Variants in EPHA3 observed in about 807,000 individuals in gnomAD.
EPHA3 encodes ephrin type-A receptor 3.
EPHA3 carries 42 observed loss-of-function variants against 107.1 expected under a neutral mutation model. The ratio of observed to expected loss-of-function variants is 0.39; its 90% confidence interval spans 0.31 to 0.51. EPHA3 has a LOEUF of 0.51. Ranked by LOEUF, EPHA3 falls within the 20% of genes least tolerant of loss-of-function variation. The probability of loss-of-function intolerance (pLI) is 0.78; values close to 1 mark genes in which losing one functional copy is unlikely to be tolerated. For missense variants in EPHA3, 1,183 were observed against 1,211.2 expected (o/e 0.98, Z 0.35); for synonymous variants, 461 against 424.8 (o/e 1.09, Z -1.05).
In EPHA3 at chr3:89,201,317, T is replaced by C. The variant is rs542202851; in HGVS notation, c.154-8543T>C. On this transcript the variant is annotated intron_variant, in intron 2 of 16. Transcript: ENST00000336596. Reference sequence around the variant, plus strand: ...CTCCCACCAGGTCCCTCCCCCAACATTGGGGATTACCATTCACCGTGAGAG... The same window carrying C: ...CTCCCACCAGGTCCCTCCCCCAACACTGGGGATTACCATTCACCGTGAGAG... 1.4e-3 allele frequency among the ~76,000 whole-genome samples: 218 copies of C among 152,208 alleles called. 2 individuals carry two copies. Among genetic ancestry groups the C allele is most frequent in the Middle Eastern group, 6.8e-3 (2 of 294 alleles).
In EPHA3 at chr3:89,367,665, C is replaced by T. The variant is rs1346494204; in HGVS notation, c.1306+25575C>T. Among the ~76,000 whole-genome samples, 2 of 150,760 alleles carry T rather than the reference C, an allele frequency of 1.3e-5. 1 individual carries two copies. Among genetic ancestry groups the T allele is most frequent in the Non-Finnish European group, 3.0e-5 (2 of 67,258 alleles). ...AAATTTCCAATCATAATTTCCTTTACTCCTTGTTACAAAGATAGATATATC... is the reference window on the plus strand; with the variant it reads ...AAATTTCCAATCATAATTTCCTTTATTCCTTGTTACAAAGATAGATATATC... On this transcript the variant is annotated intron_variant, in intron 5 of 16. Transcript: ENST00000336596.
chr3:89,478,852 G>GT lies in EPHA3; in HGVS notation c.2847-539dup, dbSNP rs755456620. On this transcript the variant is annotated intron_variant, in intron 16 of 16. Transcript: ENST00000336596. The stretch of plus-strand genomic sequence containing the variant: ...AAATTTATTGGCTTAAACAACAGAA[G>GT]TTTTTTCTTAGAATTCTGGTGGCAG... 5.9e-5 allele frequency among the ~76,000 whole-genome samples: 9 copies of GT among 152,166 alleles called. No individual in the cohort carries two copies. The East Asian group carries it at 1.3e-3, about 23-fold the overall frequency.
intron 9 of EPHA3, among the ~76,000 whole-genome samples, chr3:89,410,896 C>G (rs1016651731): frequency 6.6e-6 from 1 of 151,758 alleles, no homozygotes; most frequent in African/African-American, 2.4e-5. Context: ...TAAAGCACAA[C>G]AGATTACTGT....
At chr3:89,122,032 GA>G (rs1250851091) in intron 1 of EPHA3, among the ~76,000 whole-genome samples, 4 of 152,184 alleles carry the variant, frequency 2.6e-5, no homozygotes, top group African/African-American at 9.7e-5. Context: ...CACAGAGAAT[GA>G]TAACACTGAG....
chr3:89,363,299 TGAGA>T (rs963906729), intron 5 of EPHA3, among the ~76,000 whole-genome samples: 24 of 147,812 alleles, frequency 1.6e-4, no homozygotes, highest in African/African-American at 4.9e-4. Context: ...AGAGAGAGAG[TGAGA>T]GAGAGAGAGT....
chr3:89,299,828 T>C (rs1205888853), intron 3 of EPHA3, among the ~76,000 whole-genome samples: 9 of 152,150 alleles, frequency 5.9e-5, no homozygotes, highest in Non-Finnish European at 8.8e-5. Context: ...ATATAGTTGA[T>C]TTGTGTGATA....
intron 2 of EPHA3, among the ~76,000 whole-genome samples, chr3:89,162,350 T>C (rs1422896208): frequency 1.3e-5 from 2 of 152,178 alleles, no homozygotes; most frequent in Non-Finnish European, 2.9e-5. Context: ...TAATTAATAA[T>C]GTCCAAATAA....
chr3:89,318,653 C>G (rs1261307080), intron 3 of EPHA3, among the ~76,000 whole-genome samples: 1 of 151,860 alleles, frequency 6.6e-6, no homozygotes, highest in African/African-American at 2.4e-5. Flanking sequence ...CATTTCCAAA[C>G]ACATGCTTAC....
intron 5 of EPHA3, among the ~76,000 whole-genome samples, chr3:89,381,166 G>C (rs1331104065): frequency 6.6e-6 from 1 of 151,632 alleles, no homozygotes; most frequent in Non-Finnish European, 1.5e-5. Flanking sequence ...TAGAGACGGG[G>C]TTTCACTGTG....
intron 2 of EPHA3, among the ~76,000 whole-genome samples, chr3:89,207,911 G>A (rs1197312959): frequency 1.3e-5 from 2 of 152,126 alleles, no homozygotes; most frequent in African/African-American, 2.4e-5. Context: ...TTTAGCAAAT[G>A]CCTATGAAAC....
At chr3:89,337,979 C>A (rs1480035612) in intron 3 of EPHA3, among the ~76,000 whole-genome samples, 2 of 152,186 alleles carry the variant, frequency 1.3e-5, no homozygotes, top group African/African-American at 4.8e-5. Flanking sequence ...TGCTGCAATT[C>A]CAGCCATAAT....
intron 5 of EPHA3, among the ~76,000 whole-genome samples, chr3:89,357,981 G>A (rs1049329082): frequency 1.3e-5 from 2 of 151,170 alleles, no homozygotes; most frequent in Non-Finnish European, 3.0e-5. Context: ...ATGGCTAGAA[G>A]AAGAACTAGG....
chr3:89,232,831 T>C (rs866421065), intron 3 of EPHA3, among the ~76,000 whole-genome samples: 1 of 152,206 alleles, frequency 6.6e-6, no homozygotes, highest in Non-Finnish European at 1.5e-5. Flanking sequence ...TATTTGCCTA[T>C]CATTCATTGA....
intron 3 of EPHA3, among the ~76,000 whole-genome samples, chr3:89,263,277 C>G (rs1288333186): frequency 6.6e-6 from 1 of 152,046 alleles, no homozygotes; most frequent in Non-Finnish European, 1.5e-5. Flanking sequence ...CTACATTGCT[C>G]TTTTCGCTCT....
intron 7 of EPHA3, among the ~76,000 whole-genome samples, chr3:89,402,762 C>T (rs1193099524): frequency 6.6e-6 from 1 of 152,130 alleles, no homozygotes; most frequent in African/African-American, 2.4e-5. Context: ...GTGGTGAGAT[C>T]TCAGCTCCCT....
intron 15 of EPHA3, among the ~76,000 whole-genome samples, chr3:89,456,006 A>C (rs1177340667): frequency 1.3e-5 from 2 of 152,202 alleles, no homozygotes; most frequent in Non-Finnish European, 2.9e-5. Context: ...GCAGATTGAT[A>C]ATGGGTGCTC....
At chr3:89,341,124 G>A in intron 4 of EPHA3, 53 bp downstream of exon 4, 3 of 1,548,868 alleles carry the variant, frequency 1.9e-6, no homozygotes, top group Non-Finnish European at 1.7e-6. Flanking sequence ...TTTTCTTCTT[G>A]TTACTGTGCT....
At chr3:89,477,151 T>C (rs1710532301) in intron 16 of EPHA3, among the ~76,000 whole-genome samples, 1 of 152,176 alleles carries the variant, frequency 6.6e-6, no homozygotes, top group South Asian at 2.1e-4. Flanking sequence ...CAAAATCCTG[T>C]AACGCACATT....
At chr3:89,363,596 G>C (rs1576337423) in intron 5 of EPHA3, among the ~76,000 whole-genome samples, 1 of 150,864 alleles carries the variant, frequency 6.6e-6, no homozygotes, top group South Asian at 2.1e-4. Flanking sequence ...AGTGACCCCA[G>C]ACTGGTGTTT....
Sources: gnomAD v4.1 joint callset for allele counts (sites outside exome capture counted in the v4.1 genomes callset) on GRCh38, gnomAD v4.1.1 for gene constraint, MANE v1.5 for transcripts, NCBI Gene and HGNC (gene_info 2026-07-23, HGNC 2026-07-21) for gene names.